Variants in GPD2 observed in about 807,000 individuals in gnomAD.
GPD2 encodes the protein glycerol-3-phosphate dehydrogenase 2.
GPD2 carries 54 observed loss-of-function variants against 82.4 expected under a neutral mutation model. The ratio of observed to expected loss-of-function variants is 0.66; its 90% CI spans 0.53 to 0.82. GPD2 has a LOEUF of 0.82. Ranked by LOEUF, GPD2 falls within the 40% of genes least tolerant of loss-of-function variation. The probability of loss-of-function intolerance (pLI) is 0.00; values close to 1 mark genes in which losing one functional copy is unlikely to be tolerated. For missense variants in GPD2, 748 were observed against 896.2 expected (o/e 0.83, Z 2.11); for synonymous variants, 288 against 306.1 (o/e 0.94, Z 0.62).
intron 2 of GPD2, among the ~76,000 whole-genome samples, chr2:156,488,074 G>T (rs1411870328): frequency 6.6e-6 from 1 of 152,166 alleles, no homozygotes; most frequent in Non-Finnish European, 1.5e-5. Flanking sequence ...ACCCCAGAAG[G>T]ATGGGCTCCT....
intron 1 of GPD2, among the ~76,000 whole-genome samples, chr2:156,450,687 C>CTTTA (rs1382838048): frequency 1.1e-5 from 1 of 91,056 alleles, no homozygotes; most frequent in African/African-American, 4.1e-5. Flanking sequence ...TTTTTTATTG[C>CTTTA]TCATTCTTGG....
intron 13 of GPD2, among the ~76,000 whole-genome samples, chr2:156,576,183 C>T (rs1410521513): frequency 6.6e-6 from 1 of 152,122 alleles, no homozygotes; most frequent in Non-Finnish European, 1.5e-5. Flanking sequence ...ACCATGGCTG[C>T]CCCCAAATCC....
rs1381102881 is a variant in GPD2 at position 156,496,212 on chromosome 2, A to G, written c.271A>G (p.Arg91Gly). 4 of 1,601,496 alleles carry G rather than the reference A, an allele frequency of 2.5e-6. No homozygotes were observed. Among genetic ancestry groups the G allele is most frequent in the East Asian group, 2.2e-5 (1 of 44,794 alleles). The change falls in exon 3 of 17, where the codon AGA becomes GGA. Residue 91 changes from arginine (R) to glycine (G), a missense_variant. By Grantham distance (125) the Arg-to-Gly change is moderately radical. This residue lies in a region of GPD2 where 692 missense variants were observed against 809.7 expected (regional missense o/e 0.85). Transcript: ENST00000438166. ...GSGCALDAVT[R>G]GLKTALVERD... Reference sequence around the variant, plus strand: ...TGGCTGTGCGCTAGATGCTGTCACCAGAGGTAAGTCTTTTTTTTTTTTATT... The same window carrying G: ...TGGCTGTGCGCTAGATGCTGTCACCGGAGGTAAGTCTTTTTTTTTTTTATT...
intron 3 of GPD2, among the ~76,000 whole-genome samples, chr2:156,502,900 TTAA>T (rs1684642099): frequency 6.6e-6 from 1 of 152,202 alleles, no homozygotes; most frequent in Non-Finnish European, 1.5e-5. Context: ...TGTATTTTTT[TTAA>T]TCTTTCATGC....
chr2:156,571,240 G>A lies in GPD2; in HGVS notation c.1715G>A (p.Arg572Lys), dbSNP rs1274130158. ...NVQAAEEALP[R>K]IVELMGRELN... ...CAGGCAGCAGAGGAAGCCCTACCCA[G>A]GATTGTTGAACTGATGGGCAGGGAA... Residue 572 changes from arginine to lysine, a missense_variant, in exon 13 of 17, where the codon AGG becomes AAG. By Grantham distance (26) the Arg-to-Lys change is conservative (BLOSUM62 2). Around this residue, in one of 3 missense-constraint regions of GPD2, gnomAD observed 692 missense variants for 809.7 expected, o/e 0.85. Transcript: ENST00000438166. The A allele has an allele frequency of 6.2e-7, 1 of 1,612,704 alleles. No individual in the cohort carries two copies. Among genetic ancestry groups the A allele is most frequent in the Non-Finnish European group, 8.5e-7 (1 of 1,178,970 alleles).
chr2:156,511,211 A>T (rs146249543), intron 4 of GPD2, among the ~76,000 whole-genome samples: 16 of 152,310 alleles, frequency 1.1e-4, no homozygotes, highest in African/African-American at 3.6e-4. Context: ...GTTTTTGCCA[A>T]TGGCTACCAA....
Position 156,571,274 on chromosome 2 carries a change from G to A in GPD2, c.1749G>A (p.Trp583Ter), listed in dbSNP as rs1687631093. 6.2e-7 allele frequency: 1 copy of A among 1,605,904 alleles called. No individual in the cohort carries two copies. Among genetic ancestry groups the A allele is most frequent in the Non-Finnish European group, 8.5e-7 (1 of 1,175,320 alleles). ...AACTGATGGGCAGGGAACTGAATTGGGATGATTATAAGAAGCAGGTATTAT... is the reference window on the plus strand; with the variant it reads ...AACTGATGGGCAGGGAACTGAATTGAGATGATTATAAGAAGCAGGTATTAT... ...IVELMGRELN[W>*]DDYKKQEQLE... The change falls in exon 13 of 17, where the codon TGG (tryptophan) becomes TGA (stop). Residue 583 changes from tryptophan (W) to a stop codon, truncating the protein, a stop_gained. Transcript: ENST00000438166. LOFTEE classifies it high-confidence loss of function.
chr2:156,523,141 T>G (rs1041151858), intron 6 of GPD2, among the ~76,000 whole-genome samples: 1 of 152,214 alleles, frequency 6.6e-6, no homozygotes, highest in African/African-American at 2.4e-5. Context: ...ACTCTTGGTG[T>G]ACATTCTGTC....
upstream of GPD2, among the ~76,000 whole-genome samples, chr2:156,436,066 G>A (rs569630928): frequency 6.6e-6 from 1 of 152,192 alleles, no homozygotes; most frequent in African/African-American, 2.4e-5. Context: ...GACCCCACCC[G>A]GCGGCAGGAC....
intron 1 of GPD2, among the ~76,000 whole-genome samples, chr2:156,468,898 G>C (rs1683232887): frequency 1.3e-5 from 2 of 152,028 alleles, no homozygotes; most frequent in Non-Finnish European, 2.9e-5. Flanking sequence ...CAGTCACCCT[G>C]TTCTATCAAC....
At chr2:156,567,300 A>G (rs1007814283) in intron 9 of GPD2, among the ~76,000 whole-genome samples, 2 of 151,904 alleles carry the variant, frequency 1.3e-5, no homozygotes, top group African/African-American at 2.4e-5. Context: ...AGCTCTTCTT[A>G]TATGTTTTCT....
At chr2:156,439,936 T>A (rs1247392346) in intron 1 of GPD2, among the ~76,000 whole-genome samples, 1 of 152,116 alleles carries the variant, frequency 6.6e-6, no homozygotes, top group Non-Finnish European at 1.5e-5. Flanking sequence ...ATTTTATATA[T>A]TTTTTACCTG....
At chr2:156,470,909 A>T (rs998633048) in intron 1 of GPD2, among the ~76,000 whole-genome samples, 1 of 152,220 alleles carries the variant, frequency 6.6e-6, no homozygotes, top group African/African-American at 2.4e-5. Context: ...TGTAGCAATT[A>T]CATCTGTCAG....
At chr2:156,434,161 T>G (rs1332102571), upstream of GPD2, among the ~76,000 whole-genome samples, 1 of 152,220 alleles carries the variant, frequency 6.6e-6, no homozygotes, top group Non-Finnish European at 1.5e-5. Context: ...TGGAGTTCAG[T>G]GGTGCCATCT....
At chr2:156,423,755 T>C in the GPD2 span, among the ~76,000 whole-genome samples, 1 of 152,234 alleles carries the variant, frequency 6.6e-6, no homozygotes, top group Non-Finnish European at 1.5e-5. Flanking sequence ...TGTCATTCCA[T>C]TTTTCTTTGC....
chr2:156,524,874 T>C (rs1229074030), intron 6 of GPD2, among the ~76,000 whole-genome samples: 2 of 152,230 alleles, frequency 1.3e-5, no homozygotes, highest in Admixed American at 6.5e-5. Context: ...TCTGTTTACC[T>C]CTTTTTAATT....
At chr2:156,539,585 T>C (rs1453897195) in intron 6 of GPD2, among the ~76,000 whole-genome samples, 1 of 152,202 alleles carries the variant, frequency 6.6e-6, no homozygotes, top group Non-Finnish European at 1.5e-5. Flanking sequence ...ATAAAGGCTC[T>C]CTCAAAAGGC....
chr2:156,566,295 A>G (rs547571833), intron 9 of GPD2, among the ~76,000 whole-genome samples: 64 of 152,150 alleles, frequency 4.2e-4, no homozygotes, highest in African/African-American at 1.4e-3. Context: ...TCACATTGTC[A>G]TGCAACCATC....
At position 156,585,509 on chromosome 2, in the gene GPD2, T is replaced by A. The variant is rs938707949; in HGVS notation, c.*2591T>A. 2 of 152,472 alleles carry A rather than the reference T, an allele frequency of 1.3e-5. No individual in the cohort carries two copies. Among genetic ancestry groups the A allele is most frequent in the Non-Finnish European group, 2.9e-5 (2 of 67,968 alleles). The allele number at this position is 152,472 out of a possible 1,614,324, so 9.4% of individuals were successfully genotyped here. A position where few individuals can be genotyped will look rare whatever the true frequency, so the allele number is the denominator to read the frequency against. On this transcript the variant is annotated 3_prime_UTR_variant, in exon 17 of 17. Transcript: ENST00000438166. ...TGGATTATTTGTTAAGCCAAGGTTG[T>A]CTGCCTCATATCCATCATGCTGTTT...
Sources: gnomAD v4.1 joint callset for allele counts (sites outside exome capture counted in the v4.1 genomes callset) on GRCh38, gnomAD v4.1.1 for gene constraint, gnomAD v4.1.1 regional missense constraint, MANE v1.5 for transcripts, NCBI Gene and HGNC (gene_info 2026-07-23, HGNC 2026-07-21) for gene names.